The following PODXL variants were observed in gnomAD, a reference collection of about 807,000 sequenced individuals.
PODXL encodes the protein podocalyxin.
Under a neutral mutation model 48.9 loss-of-function variants are expected in PODXL, and 20 were observed. That is an observed-to-expected ratio of 0.41 (90% CI 0.29 to 0.59). The LOEUF is 0.59. Ranked by LOEUF, PODXL falls within the 20% of genes least tolerant of loss-of-function variation. The pLI is 0.31. For synonymous variants in PODXL, 295 were observed against 287.4 expected, an observed-to-expected ratio of 1.03 and a Z score of -0.27; for missense variants, 606 against 675.1, an observed-to-expected ratio of 0.90 and a Z score of 1.13.
intron 1 of PODXL, among the ~76,000 whole-genome samples, chr7:131,537,880 C>T (rs540752728): frequency 6.0e-4 from 92 of 152,190 alleles, no homozygotes; most frequent in Non-Finnish European, 1.2e-3. Flanking sequence ...TCATCCTTCT[C>T]GTGGTGTGCG....
At chr7:131,516,472 G>A (rs1167983537) in intron 1 of PODXL, among the ~76,000 whole-genome samples, 1 of 151,984 alleles carries the variant, frequency 6.6e-6, no homozygotes, top group East Asian at 1.9e-4. Context: ...CCAGGAGATA[G>A]CACCACTGCA....
At chr7:131,506,533 C>A in intron 6 of PODXL, 46 bp downstream of exon 6, 1 of 1,594,400 alleles carries the variant, frequency 6.3e-7, no homozygotes, top group South Asian at 1.1e-5. Context: ...GCCCCCCATT[C>A]CCACCCATGC....
intron 1 of PODXL, among the ~76,000 whole-genome samples, chr7:131,554,285 G>A (rs1798711006): frequency 6.6e-6 from 1 of 152,008 alleles, no homozygotes. Flanking sequence ...GCCTTTTCTG[G>A]CCTCAATACA....
At chr7:131,546,657 C>CGG (rs1216904473) in intron 1 of PODXL, among the ~76,000 whole-genome samples, 1 of 128,514 alleles carries the variant, frequency 7.8e-6, no homozygotes, top group Non-Finnish European at 1.6e-5. Context: ...ACTCCTGAGG[C>CGG]GGAGGTTGCA....
chr7:131,535,978 A>T (rs7803061), intron 1 of PODXL, among the ~76,000 whole-genome samples: 1,571 of 152,224 alleles, frequency 0.01, 22 homozygotes, highest in African/African-American at 0.036. Context: ...GGCTGGTCTC[A>T]AACTCTTGAG....
At chr7:131,515,423 CAG>C (rs986242953) in intron 1 of PODXL, among the ~76,000 whole-genome samples, 6 of 151,830 alleles carry the variant, frequency 4.0e-5, no homozygotes, top group African/African-American at 1.5e-4. Context: ...TTTTTTGAGA[CAG>C]AGTTTCGCTC....
chr7:131,505,248 C>G (rs1797778479), intron 8 of PODXL, among the ~76,000 whole-genome samples: 1 of 152,190 alleles, frequency 6.6e-6, no homozygotes, highest in African/African-American at 2.4e-5. Context: ...AATCCTCAGA[C>G]CAGCTCTGCA....
intron 1 of PODXL, among the ~76,000 whole-genome samples, chr7:131,521,121 T>C (rs1001077269): frequency 1.3e-5 from 2 of 151,064 alleles, no homozygotes; most frequent in Admixed American, 1.3e-4. Context: ...TGAGCTGAGA[T>C]TGTGCCACTG....
chr7:131,509,653 T>C (rs73157521), intron 3 of PODXL, 68 bp from the exon 4 acceptor site: 12 of 1,101,390 alleles, frequency 1.1e-5, no homozygotes, highest in Non-Finnish European at 1.4e-5. Context: ...GACAATCTTT[T>C]CTTGCTCTAA....
At chr7:131,541,286 C>T (rs1049179199) in intron 1 of PODXL, among the ~76,000 whole-genome samples, 10 of 150,672 alleles carry the variant, frequency 6.6e-5, no homozygotes, top group East Asian at 1.9e-4. Flanking sequence ...GCACACGATC[C>T]GAATTTCTTT....
At position 131,511,440 on chromosome 7, in the gene PODXL, GT is replaced by G. The variant is rs771471205; in HGVS notation, c.101-8del. The G allele has an allele frequency of 6.3e-7, 1 of 1,599,764 alleles. No homozygotes were observed. The highest frequency in any genetic ancestry group is 2.2e-5 in the East Asian group (1 of 44,888). ...TCCGTAGTAGTCTGGGTTGCTGTTT[GT>G]AAAGATAACAGAGAATGGAGTTAGG... On this transcript the variant is annotated splice_region_variant and splice_polypyrimidine_tract_variant and intron_variant, in intron 1 of 8. Transcript: ENST00000378555.
intron 1 of PODXL, among the ~76,000 whole-genome samples, chr7:131,548,394 C>T (rs1424265261): frequency 6.6e-6 from 1 of 152,238 alleles, no homozygotes; most frequent in Non-Finnish European, 1.5e-5. Context: ...ATTACTCTTC[C>T]CTAAGTTCTC....
intron 1 of PODXL, among the ~76,000 whole-genome samples, chr7:131,553,542 A>G (rs553668672): frequency 6.6e-5 from 10 of 152,220 alleles, no homozygotes; most frequent in Non-Finnish European, 1.5e-4. Context: ...CCCATGATAT[A>G]TATACTCGCT....
rs1309003818 is a variant in PODXL, at chr7:131,509,465, G to A, written c.923C>T (p.Pro308Leu). The A allele has an allele frequency of 6.2e-7, 1 of 1,614,050 alleles. No homozygotes were observed. The highest frequency in any genetic ancestry group is 8.5e-7 in the Non-Finnish European group (1 of 1,179,956). The change falls in exon 4 of 9, where the codon CCT becomes CTT. Residue 308 changes from proline to leucine, a missense_variant. Physicochemically the swap from Pro to Leu is moderately conservative, Grantham distance 98. Coordinates refer to ENST00000378555, the MANE Select transcript of PODXL (RefSeq NM_001018111.3). Reference protein sequence around the residue: ...PTSPATALRTPTLPETMSSSP... With the variant: ...PTSPATALRTLTLPETMSSSP... ...GGAGCTCATGGTCTCTGGCAGGGTA[G>A]GTGTTCTCAATGCCGTTGCCGGGCT...
intron 1 of PODXL, among the ~76,000 whole-genome samples, chr7:131,545,836 G>A (rs1798566385): frequency 6.6e-6 from 1 of 152,180 alleles, no homozygotes. Context: ...AAATCTTGAG[G>A]ATTACGAAAT....
Position 131,510,334 on chromosome 7 carries a change from TGAAAA to T in PODXL, c.707-8_707-4del, listed in dbSNP as rs78446351. Reference sequence around the variant, plus strand: ...GACATGGTGAAACACTGTCTCTACTTGAAAAAAAAAAAAAAAAAAAAAAAAAAATT... The same window carrying T: ...GACATGGTGAAACACTGTCTCTACTTAAAAAAAAAAAAAAAAAAAAAAATT... On this transcript the variant is annotated splice_region_variant and splice_polypyrimidine_tract_variant and intron_variant, in intron 2 of 8. Coordinates refer to ENST00000378555, the MANE Select transcript of PODXL (RefSeq NM_001018111.3). The T allele has an allele frequency of 4.1e-4, 34 of 83,312 alleles. No homozygotes were observed. The highest frequency in any genetic ancestry group is 7.0e-4 in the South Asian group (8 of 11,376). The allele number at this position is 83,312 out of a possible 1,614,324, so 5.2% of individuals were successfully genotyped here.
At chr7:131,540,109 C>T (rs1798450317) in intron 1 of PODXL, among the ~76,000 whole-genome samples, 1 of 152,112 alleles carries the variant, frequency 6.6e-6, no homozygotes, top group Admixed American at 6.5e-5. Context: ...GTGGCGCGAT[C>T]ACGGCTCACT....
In PODXL at chr7:131,500,516, A is replaced by G. The variant is rs1797681183; in HGVS notation, c.*3795T>C. On this transcript the variant is annotated 3_prime_UTR_variant, in exon 9 of 9. Coordinates refer to ENST00000378555, the MANE Select transcript of PODXL (RefSeq NM_001018111.3). ...GTGTCCTCCATGCTGTGTTTGCAGC[A>G]GACCTGAGGGATCAGCTAGTGACCG... is the stretch of plus-strand genomic sequence containing the variant. The G allele has an allele frequency of 6.5e-6, 1 of 152,702 alleles. No homozygotes were observed. Among genetic ancestry groups the G allele is most frequent in the East Asian group, 1.9e-4 (1 of 5,184 alleles). The allele number at this position is 152,702 out of a possible 1,614,324, so 9.5% of individuals were successfully genotyped here.
chr7:131,534,418 C>A (rs1798336385), intron 1 of PODXL, among the ~76,000 whole-genome samples: 1 of 152,206 alleles, frequency 6.6e-6, no homozygotes, highest in Non-Finnish European at 1.5e-5. Context: ...CTGATAATGA[C>A]CCCGCACCCC....
Sources: gnomAD v4.1 joint callset for allele counts (sites outside exome capture counted in the v4.1 genomes callset) on GRCh38, gnomAD v4.1.1 for gene constraint, MANE v1.5 for transcripts, NCBI Gene and HGNC (gene_info 2026-07-23, HGNC 2026-07-21) for gene names.